Variants in RIMS2 observed in about 807,000 individuals in gnomAD.
The protein encoded by RIMS2 is regulating synaptic membrane exocytosis 2.
RIMS2 carries 59 observed loss-of-function variants against 174.4 expected under a neutral mutation model. The observed-to-expected ratio is 0.34, with a 90% CI of 0.27 to 0.42. The LOEUF is 0.42. RIMS2 is among the 10% of genes least tolerant of loss of function. The probability of loss-of-function intolerance (pLI) is 1.00; values close to 1 mark genes in which losing one functional copy is unlikely to be tolerated. For synonymous variants in RIMS2, 606 were observed against 572.5 expected (o/e 1.06, Z -0.84); for missense variants, 1,620 against 1,666.3 (o/e 0.97, Z 0.48).
intron 1 of RIMS2, among the ~76,000 whole-genome samples, chr8:103,644,701 ATG>A (rs2096291386): frequency 6.6e-6 from 1 of 150,726 alleles, no homozygotes; most frequent in Non-Finnish European, 1.5e-5. Context: ...TAAATATAAA[ATG>A]TAAATATTTT....
intron 19 of RIMS2, among the ~76,000 whole-genome samples, chr8:104,135,034 T>G (rs143761839): frequency 2.3e-3 from 344 of 152,256 alleles, no homozygotes; most frequent in African/African-American, 7.8e-3. Flanking sequence ...ATTCATGAAG[T>G]TTTTTTCATA....
intron 1 of RIMS2, among the ~76,000 whole-genome samples, chr8:103,534,269 A>G (rs1467926258): frequency 6.6e-6 from 1 of 152,242 alleles, no homozygotes; most frequent in Non-Finnish European, 1.5e-5. Flanking sequence ...TCAATAGTTA[A>G]GTAGTGAGCT....
intron 20 of RIMS2, among the ~76,000 whole-genome samples, chr8:104,248,238 G>A (rs1435675945): frequency 6.6e-6 from 1 of 152,168 alleles, no homozygotes; most frequent in Non-Finnish European, 1.5e-5. Context: ...ATGGGGTCAG[G>A]AAAGGGATTT....
At chr8:103,580,433 C>G (rs2093537857) in intron 1 of RIMS2, among the ~76,000 whole-genome samples, 1 of 130,952 alleles carries the variant, frequency 7.6e-6, no homozygotes, top group African/African-American at 2.7e-5. Context: ...AAAACAAAGA[C>G]TATATGTGTG....
chr8:104,006,797 A>AAT (rs5893671), intron 17 of RIMS2, among the ~76,000 whole-genome samples: 19,238 of 150,872 alleles, frequency 0.13, 1,630 homozygotes, highest in Non-Finnish European at 0.19. Flanking sequence ...CTTTACTGAT[A>AAT]ATATATATAT....
chr8:103,564,893 T>G (rs1327345764), intron 1 of RIMS2, among the ~76,000 whole-genome samples: 1 of 152,162 alleles, frequency 6.6e-6, no homozygotes, highest in African/African-American at 2.4e-5. Context: ...GTCTTACCAT[T>G]TTTTAGGAAT....
At chr8:104,044,380 T>C (rs531206138) in intron 19 of RIMS2, among the ~76,000 whole-genome samples, 43 of 151,472 alleles carry the variant, frequency 2.8e-4, no homozygotes, top group African/African-American at 8.9e-4. Context: ...AATTTAAGCT[T>C]AGAGGGGGAA....
chr8:103,545,481 A>G (rs189640406), intron 1 of RIMS2, among the ~76,000 whole-genome samples: 59 of 152,338 alleles, frequency 3.9e-4, no homozygotes, highest in Admixed American at 3.7e-3. Flanking sequence ...AATTTTCCCA[A>G]CTTTCCTAGA....
chr8:104,118,511 C>G (rs1318030877), intron 19 of RIMS2, among the ~76,000 whole-genome samples: 2 of 151,686 alleles, frequency 1.3e-5, no homozygotes, highest in African/African-American at 4.8e-5. Context: ...AGTGCTTCAG[C>G]CTCCCAGGAT....
At chr8:103,546,554 T>A (rs1413411340) in intron 1 of RIMS2, among the ~76,000 whole-genome samples, 2 of 152,152 alleles carry the variant, frequency 1.3e-5, no homozygotes, top group Non-Finnish European at 2.9e-5. Context: ...TACAGAACTC[T>A]TCACCCAAAA....
At chr8:103,940,807 C>G (rs998911608) in intron 13 of RIMS2, among the ~76,000 whole-genome samples, 1 of 148,582 alleles carries the variant, frequency 6.7e-6, no homozygotes, top group Non-Finnish European at 1.5e-5. Flanking sequence ...GCCCGGGAGG[C>G]GGAGCTTGCA....
intron 1 of RIMS2, among the ~76,000 whole-genome samples, chr8:103,631,869 T>C (rs573483867): frequency 6.6e-6 from 1 of 152,340 alleles, no homozygotes; most frequent in South Asian, 2.1e-4. Flanking sequence ...TATTCTTAGG[T>C]ATTTTATTCT....
intron 3 of RIMS2, among the ~76,000 whole-genome samples, chr8:103,826,073 G>A (rs1375817747): frequency 1.3e-5 from 2 of 152,018 alleles, no homozygotes. Context: ...ATCCTCCTTT[G>A]TAAAGTGTCC....
At chr8:103,894,600 A>G (rs1215163083) in intron 4 of RIMS2, among the ~76,000 whole-genome samples, 5 of 151,640 alleles carry the variant, frequency 3.3e-5, no homozygotes, top group Non-Finnish European at 7.4e-5. Context: ...AAGATCAAAT[A>G]CCTCTTATTA....
intron 19 of RIMS2, among the ~76,000 whole-genome samples, chr8:104,024,338 C>T (rs1392064018): frequency 2.0e-5 from 3 of 152,128 alleles, no homozygotes. Context: ...TTGGAAGGGA[C>T]ATTATAAATC....
intron 5 of RIMS2, among the ~76,000 whole-genome samples, chr8:103,911,195 A>G (rs567258499): frequency 3.5e-4 from 54 of 152,264 alleles, no homozygotes; most frequent in Non-Finnish European, 6.0e-4. Context: ...TATGCCTGTT[A>G]CTTTTTGATA....
intron 1 of RIMS2, among the ~76,000 whole-genome samples, chr8:103,586,909 A>G (rs1005397651): frequency 6.6e-6 from 1 of 152,028 alleles, no homozygotes; most frequent in Non-Finnish European, 1.5e-5. Flanking sequence ...AGACATTACA[A>G]CTGATATTGC....
At chr8:103,634,618 T>A (rs2096027550) in intron 1 of RIMS2, among the ~76,000 whole-genome samples, 1 of 152,162 alleles carries the variant, frequency 6.6e-6, no homozygotes, top group African/African-American at 2.4e-5. Context: ...GTCAGTGGAG[T>A]GTTGAAATCT....
chr8:104,137,942 C>T (rs1326125962), intron 19 of RIMS2, among the ~76,000 whole-genome samples: 1 of 152,122 alleles, frequency 6.6e-6, no homozygotes, highest in Non-Finnish European at 1.5e-5. Context: ...CTGCCACCGC[C>T]ACTACCCTTC....
Sources: allele counts gnomAD v4.1 joint callset (sites outside exome capture counted in the v4.1 genomes callset), GRCh38; gene constraint gnomAD v4.1.1; transcripts MANE v1.5; gene names NCBI Gene and HGNC (gene_info 2026-07-23, HGNC 2026-07-21).